TLE4: variants seen among roughly 807,000 people sequenced by gnomAD.
TLE4 encodes the protein TLE family member 4, transcriptional corepressor.
A neutral mutation model predicts 92.8 loss-of-function variants in TLE4; 8 were observed. That is an observed-to-expected ratio of 0.09 (90% CI 0.05 to 0.16). The LOEUF is 0.16. Ranked by LOEUF, TLE4 falls within the 10% of genes least tolerant of loss-of-function variation. The probability of loss-of-function intolerance (pLI) is 1.00; values close to 1 mark genes in which losing one functional copy is unlikely to be tolerated. For missense variants in TLE4, 675 were observed against 997.6 expected (o/e 0.68, Z 4.36); for synonymous variants, 371 against 374.1 (o/e 0.99, Z 0.10).
At chr9:79,595,765 T>C (rs1056734587) in intron 4 of TLE4, among the ~76,000 whole-genome samples, 2 of 152,144 alleles carry the variant, frequency 1.3e-5, no homozygotes, top group Non-Finnish European at 2.9e-5. Context: ...GTTTGTGCTT[T>C]GGTTAATGCA....
chr9:79,693,721 GTCCTTGCAT>G (rs1227947462), intron 8 of TLE4: 22 of 492,206 alleles, frequency 4.5e-5, no homozygotes, highest in East Asian at 2.2e-4. Flanking sequence ...CTTATGAATT[GTCCTTGCAT>G]TAAAAAGTGC....
intron 4 of TLE4, among the ~76,000 whole-genome samples, chr9:79,578,253 A>C (rs1426399634): frequency 6.6e-6 from 1 of 152,184 alleles, no homozygotes; most frequent in Admixed American, 6.5e-5. Context: ...AATTGGGCCT[A>C]GTTCTCAAGA....
intron 7 of TLE4, 77 bp from the exon 8 acceptor site, chr9:79,653,982 T>C: frequency 6.7e-7 from 1 of 1,486,380 alleles, no homozygotes; most frequent in African/African-American, 1.4e-5. Flanking sequence ...AGTATGATTT[T>C]ATGTAAACTA....
chr9:79,670,582 C>G (rs1251618908), intron 8 of TLE4, among the ~76,000 whole-genome samples: 1 of 152,160 alleles, frequency 6.6e-6, no homozygotes, highest in Non-Finnish European at 1.5e-5. Context: ...AACGGTGACT[C>G]AAGGTGACTC....
At chr9:79,671,539 A>G (rs1006807995) in intron 8 of TLE4, 1 of 266,182 alleles carries the variant, frequency 3.8e-6, no homozygotes, top group African/African-American at 2.2e-5. Context: ...TACCCAACAG[A>G]TGCTTGTCGA....
At chr9:79,611,168 G>A (rs1053282227) in intron 4 of TLE4, among the ~76,000 whole-genome samples, 8 of 152,020 alleles carry the variant, frequency 5.3e-5, no homozygotes, top group Non-Finnish European at 7.4e-5. Flanking sequence ...TGGTATGTTC[G>A]TCCAGGTGGA....
intron 8 of TLE4, among the ~76,000 whole-genome samples, chr9:79,674,516 G>C (rs2062935832): frequency 6.6e-6 from 1 of 152,224 alleles, no homozygotes; most frequent in African/African-American, 2.4e-5. Flanking sequence ...GCCCCAGCAA[G>C]GGGCCTGCCA....
intron 4 of TLE4, among the ~76,000 whole-genome samples, chr9:79,599,693 C>T (rs1359758581): frequency 6.6e-6 from 1 of 152,156 alleles, no homozygotes; most frequent in Non-Finnish European, 1.5e-5. Flanking sequence ...TGTGTGAGGT[C>T]GTCTGATAAG....
intron 8 of TLE4, among the ~76,000 whole-genome samples, chr9:79,667,230 C>T (rs1490704976): frequency 1.3e-5 from 2 of 152,102 alleles, no homozygotes; most frequent in African/African-American, 4.8e-5. Flanking sequence ...GGGTACCCAG[C>T]TCATGGTGTA....
Position 79,573,730 on chromosome 9 carries a change from C to T in TLE4, c.87C>T (p.Ser29=). 1.2e-6 allele frequency: 2 copies of T among 1,606,922 alleles called. No individual in the cohort carries two copies. The highest frequency in any genetic ancestry group is 8.5e-7 in the Non-Finnish European group (1 of 1,174,752). Residue 29 remains serine (S), a synonymous_variant, in exon 2 of 20, where the codon TCC becomes TCT. Transcript: ENST00000376552. ...QPAQPFKFTI[S]ESCDRIKEEF... is the part of the protein sequence containing the mutation. The stretch of plus-strand genomic sequence containing the variant: ...CTCAACCCTTTAAATTTACAATTTC[C>T]GAATCCTGTGATCGGATTAAGGAAG...
rs767401266 is a variant in TLE4 at position 79,707,097 on chromosome 9, T to C, written c.936+198T>C. ...CTAACTTGTTGGTGATGAGTGTTTA[T>C]TTTATGATTCTTTTTGCAAGGATAG... On this transcript the variant is annotated intron_variant, in intron 11 of 19. Transcript: ENST00000376552. 8 of 1,610,478 alleles carry C rather than the reference T, an allele frequency of 5.0e-6. No individual in the cohort carries two copies. In the African/African-American group the frequency reaches 1.1e-4, roughly 22 times the overall value.
chr9:79,694,705 C>T (rs1251025626), intron 8 of TLE4, among the ~76,000 whole-genome samples: 1 of 151,614 alleles, frequency 6.6e-6, no homozygotes, highest in Non-Finnish European at 1.5e-5. Context: ...CCTTAAAAAA[C>T]AAGTATTATA....
At chr9:79,652,201 T>G (rs2059128641) in intron 6 of TLE4, among the ~76,000 whole-genome samples, 1 of 152,080 alleles carries the variant, frequency 6.6e-6, no homozygotes, top group African/African-American at 2.4e-5. Flanking sequence ...TTTCTTTTTT[T>G]TTTGAGATGG....
intron 8 of TLE4, among the ~76,000 whole-genome samples, chr9:79,667,270 A>G (rs1367534169): frequency 6.6e-6 from 1 of 152,188 alleles, no homozygotes; most frequent in Non-Finnish European, 1.5e-5. Flanking sequence ...GTGTGTGGGC[A>G]TGCCCCCTTG....
At chr9:79,579,652 ATGTGTGTGTATTTGTGTGTG>A (rs2039058312) in intron 4 of TLE4, among the ~76,000 whole-genome samples, 1 of 151,954 alleles carries the variant, frequency 6.6e-6, no homozygotes, top group Non-Finnish European at 1.5e-5. Context: ...GTATTTTTAT[ATGTGTGTGTATTTGTGTGTG>A]TGTGTGTGTA....
intron 6 of TLE4, chr9:79,649,854 T>C (rs1587808613): frequency 2.2e-6 from 3 of 1,365,896 alleles, no homozygotes; most frequent in African/African-American, 1.5e-5. Flanking sequence ...CCTGGATCAT[T>C]AAAGGTATTG....
Position 79,652,481 on chromosome 9 carries a change from C to T in TLE4, c.391-112C>T, listed in dbSNP as rs573942813. The T allele has an allele frequency of 3.3e-6, 4 of 1,225,934 alleles. 1 individual carries two copies. The South Asian group carries it at 5.2e-5, about 16-fold the overall frequency. The allele number at this position is 1,225,934 out of a possible 1,614,324, so 75.9% of individuals were successfully genotyped here. Reference sequence around the variant, plus strand: ...GGATTACAGGCGTGAGCCACCGTGCCCAGCCGGTGTTGGCTTTTTTACTGC... The same window carrying T: ...GGATTACAGGCGTGAGCCACCGTGCTCAGCCGGTGTTGGCTTTTTTACTGC... On this transcript the variant is annotated intron_variant, in intron 6 of 19. Transcript: ENST00000376552.
intron 5 of TLE4, among the ~76,000 whole-genome samples, chr9:79,624,249 C>T (rs1404233563): frequency 6.8e-6 from 1 of 148,014 alleles, no homozygotes; most frequent in Non-Finnish European, 1.5e-5. Flanking sequence ...GTTCATTTTT[C>T]TCTTTTGTGT....
At chr9:79,662,351 A>T (rs898643716) in intron 8 of TLE4, among the ~76,000 whole-genome samples, 1 of 152,196 alleles carries the variant, frequency 6.6e-6, no homozygotes, top group African/African-American at 2.4e-5. Context: ...TAAGTTAGTG[A>T]TGCCACCCAG....
Sources: gnomAD v4.1 joint callset for allele counts (sites outside exome capture counted in the v4.1 genomes callset) on GRCh38, gnomAD v4.1.1 for gene constraint, MANE v1.5 for transcripts, NCBI Gene and HGNC (gene_info 2026-07-23, HGNC 2026-07-21) for gene names.